The following ARVCF variants were observed in gnomAD, a reference collection of about 807,000 sequenced individuals.
The protein encoded by ARVCF is splicing regulator ARVCF.
In ARVCF, 66 loss-of-function variants were observed where a neutral mutation model predicts 90.9. The ratio of observed to expected loss-of-function variants is 0.73; its 90% confidence interval spans 0.60 to 0.89. The LOEUF (loss-of-function observed/expected upper bound fraction) is 0.89. Among genes scored for constraint, ARVCF ranks in the 40% least tolerant of loss-of-function variants. ARVCF has a pLI of 0.00. For synonymous variants in ARVCF, 653 were observed against 603.4 expected, an observed-to-expected ratio of 1.08 and a Z score of -1.21; for missense variants, 1,469 against 1,382.3, an observed-to-expected ratio of 1.06 and a Z score of -1.00.
At chr22:20,007,600 G>C (rs1944677981) in intron 2 of ARVCF, among the ~76,000 whole-genome samples, 1 of 152,214 alleles carries the variant, frequency 6.6e-6, no homozygotes, top group Admixed American at 6.5e-5. Context: ...AGGTCACAAG[G>C]GCTCTGCTAC....
chr22:19,975,836 C>G, intron 10 of ARVCF, 79 bp from the exon 11 acceptor site: 1 of 1,501,078 alleles, frequency 6.7e-7, no homozygotes, highest in Non-Finnish European at 9.2e-7. Flanking sequence ...GCACAGTTCT[C>G]TCCTACCCAG....
At position 19,977,910 on chromosome 22, in the gene ARVCF, G is replaced by A. The variant is rs781324899; in HGVS notation, c.1698+48C>T. ...AGTTCCAGCCTCCTGGGACCTGCATGATCGTCTCTCCAGCCCTTGGTATGA... is the reference window on the plus strand; with the variant it reads ...AGTTCCAGCCTCCTGGGACCTGCATAATCGTCTCTCCAGCCCTTGGTATGA... On this transcript the variant is annotated intron_variant, in intron 8 of 19. Coordinates refer to ENST00000263207, the MANE Select transcript of ARVCF (RefSeq NM_001670.3). 4 of 1,542,836 alleles carry A rather than the reference G, an allele frequency of 2.6e-6. No individual in the cohort carries two copies. In the South Asian group the frequency reaches 3.6e-5, roughly 14 times the overall value.
intron 3 of ARVCF, among the ~76,000 whole-genome samples, chr22:19,988,221 A>AT (rs1274867720): frequency 6.6e-6 from 1 of 152,176 alleles, no homozygotes; most frequent in Non-Finnish European, 1.5e-5. Context: ...GGTACCCACC[A>AT]TGTGCCCCTC....
At chr22:19,967,533 T>A (rs1234256294), downstream of ARVCF, 10 of 385,296 alleles carry the variant, frequency 2.6e-5, no homozygotes, top group Admixed American at 2.5e-4. Context: ...AGCCCCCTGC[T>A]TTCTCTGCAG....
rs1419977152 is a variant in ARVCF at position 20,004,708 on chromosome 22, A to G, written c.-19+5747T>C. 2.6e-5 allele frequency among the ~76,000 whole-genome samples: 4 copies of G among 152,356 alleles called. No individual in the cohort carries two copies. In the East Asian group the frequency reaches 7.7e-4, roughly 29 times the overall value. On this transcript the variant is annotated intron_variant, in intron 2 of 19. Coordinates refer to ENST00000263207, the MANE Select transcript of ARVCF (RefSeq NM_001670.3). ...AGCATAAGGACAGACACAAAGACCA[A>G]TGGAATAGAATACAGAGCCCAGAAA...
rs746425344 is a variant in ARVCF at position 19,979,700 on chromosome 22, C to CT, written c.1396+42dup. ...TTCCTCCCGGGTTGAGCCTCACACT[C>CT]TTCTCTTCCCAGGGGATGTGAGCAT... On this transcript the variant is annotated intron_variant, in intron 6 of 19. Transcript: ENST00000263207. The CT allele has an allele frequency of 4.5e-6, 7 of 1,548,276 alleles. No individual in the cohort carries two copies. The South Asian group carries it at 7.3e-5, about 16-fold the overall frequency.
intron 2 of ARVCF, among the ~76,000 whole-genome samples, chr22:20,005,794 TAAA>T (rs80188534): frequency 1.7e-5 from 2 of 115,594 alleles, no homozygotes; most frequent in Non-Finnish European, 1.8e-5. Context: ...AGACTCCGTC[TAAA>T]AAAAAAAAAA....
chr22:19,987,212 G>T (rs1322611984), intron 3 of ARVCF: 8 of 381,152 alleles, frequency 2.1e-5, no homozygotes, highest in Non-Finnish European at 3.7e-5. Flanking sequence ...CCGCGGGGGC[G>T]GATCTGGCGG....
At chr22:19,970,866 G>A (rs1291417231) in intron 19 of ARVCF, 123 bp from the exon 20 acceptor site, 10 of 1,208,502 alleles carry the variant, frequency 8.3e-6, no homozygotes, top group African/African-American at 1.5e-5. Context: ...AGAAGCATCT[G>A]CCCTGGGTGG....
rs369513019 is a variant in ARVCF at position 19,973,714 on chromosome 22, T to C, written c.2168A>G (p.Asp723Gly). ...GATGGCGACGGCGCGCACCACCTTG[T>C]CGGTCTCAGACTGCAGCAGTTCCAC... ...VLVELLQSETDKVVRAVAIAL... is the reference protein window; with the variant it reads ...VLVELLQSETGKVVRAVAIAL... Residue 723 changes from aspartate (D) to glycine (G), a missense_variant, in exon 13 of 20, where the codon GAC becomes GGC. Asp to Gly is a moderately conservative substitution (Grantham distance 94). Transcript: ENST00000263207. The C allele has an allele frequency of 1.2e-5, 19 of 1,609,928 alleles. No individual in the cohort carries two copies. The highest frequency in any genetic ancestry group is 1.4e-5 in the Non-Finnish European group (17 of 1,179,928).
In ARVCF at chr22:20,012,080, C is replaced by A. The variant is rs1159810803; in HGVS notation, c.-72-1572G>T. 5.0e-4 allele frequency among the ~76,000 whole-genome samples: 6 copies of A among 11,904 alleles called. No homozygotes were observed. In the South Asian group the frequency reaches 8.5e-3, roughly 17 times the overall value. 7.8% of individuals were successfully genotyped at this position (11,904 alleles called of 152,430 possible). A position where few individuals can be genotyped will look rare whatever the true frequency, so the allele number is the denominator to read the frequency against. On this transcript the variant is annotated intron_variant, in intron 1 of 19. Transcript: ENST00000263207. ...TTCCTGCCTCCAGGCCTCCCAAAGT[C>A]CCCCCCCCCCACCCAGTTGGGGAAG...
chr22:19,968,170 T>G (rs1942527686), downstream of ARVCF, among the ~76,000 whole-genome samples: 1 of 152,186 alleles, frequency 6.6e-6, no homozygotes, highest in South Asian at 2.1e-4. Context: ...TGCCTCTCCC[T>G]CATAGGCCTG....
chr22:19,991,310 C>T lies in ARVCF; in HGVS notation c.-18-498G>A, dbSNP rs75661362. On this transcript the variant is annotated intron_variant, in intron 2 of 19. Transcript: ENST00000263207. The stretch of plus-strand genomic sequence containing the variant: ...CCAGCAAGCAGGGAGTGAGAAGCTG[C>T]TCCACTGATGGGTGCCCAAGACCCC... Among the ~76,000 whole-genome samples, 615 of 152,348 alleles carry T rather than the reference C, an allele frequency of 4.0e-3. 4 individuals carry two copies. Among genetic ancestry groups the T allele is most frequent in the African/African-American group, 0.014 (584 of 41,580 alleles).
intron 2 of ARVCF, among the ~76,000 whole-genome samples, chr22:19,998,405 T>TG (rs560403881): frequency 6.6e-6 from 1 of 152,130 alleles, no homozygotes; most frequent in South Asian, 2.1e-4. Context: ...AAAGGGCCCC[T>TG]GGGGGGTAAA....
intron 5 of ARVCF, 36 bp downstream of exon 5, chr22:19,981,175 A>G (rs770053400): frequency 4.7e-6 from 7 of 1,484,654 alleles, no homozygotes; most frequent in Non-Finnish European, 6.3e-6. Flanking sequence ...CAGACTTCCC[A>G]GAGGAGGTAG....
At position 20,005,372 on chromosome 22, in the gene ARVCF, TA is replaced by T. The variant is rs34774877; in HGVS notation, c.-19+5082del. Reference sequence around the variant, plus strand: ...CTTACACCTATTAGGATGGCTAGTCTAAAAAAAAAAAAAAAGTTTTGGCAGA... The same window carrying T: ...CTTACACCTATTAGGATGGCTAGTCTAAAAAAAAAAAAAAGTTTTGGCAGA... On this transcript the variant is annotated intron_variant, in intron 2 of 19. Coordinates refer to ENST00000263207, the MANE Select transcript of ARVCF (RefSeq NM_001670.3). Among the ~76,000 whole-genome samples the T allele has an allele frequency of 6.0e-3, 817 of 136,758 alleles. 2 individuals are homozygous for T. The highest frequency in any genetic ancestry group is 0.011 in the Middle Eastern group (3 of 264). The allele number at this position is 136,758 out of a possible 152,430, so 89.7% of individuals were successfully genotyped here.
chr22:19,976,699 G>C lies in ARVCF; in HGVS notation c.1888+7C>G, dbSNP rs2146274181. ...AGGCCTGGAGAGCAGGATAAAAAGGGACTCACCTTGGTGGAACCACTCCTC... is the reference window on the plus strand; with the variant it reads ...AGGCCTGGAGAGCAGGATAAAAAGGCACTCACCTTGGTGGAACCACTCCTC... On this transcript the variant is annotated splice_region_variant and intron_variant, in intron 10 of 19. Coordinates refer to ENST00000263207, the MANE Select transcript of ARVCF (RefSeq NM_001670.3). 4 of 1,559,020 alleles carry C rather than the reference G, an allele frequency of 2.6e-6. No homozygotes were observed. The highest frequency in any genetic ancestry group is 3.5e-6 in the Non-Finnish European group (4 of 1,151,188).
At chr22:19,975,832 T>C in intron 10 of ARVCF, 75 bp from the exon 11 acceptor site, 2 of 1,505,092 alleles carry the variant, frequency 1.3e-6, no homozygotes, top group Admixed American at 1.7e-5. Flanking sequence ...TTGGGCACAG[T>C]TCTCTCCTAC....
chr22:20,013,565 G>C (rs1179453987), intron 1 of ARVCF, among the ~76,000 whole-genome samples: 8 of 152,260 alleles, frequency 5.3e-5, no homozygotes, highest in Admixed American at 2.6e-4. Context: ...GGTGGAGCCG[G>C]TCTTGCCTGC....
Sources: allele counts gnomAD v4.1 joint callset (sites outside exome capture counted in the v4.1 genomes callset), GRCh38; gene constraint gnomAD v4.1.1; transcripts MANE v1.5; gene names NCBI Gene and HGNC (gene_info 2026-07-23, HGNC 2026-07-21).